The following ITGA11 variants were observed in gnomAD, a reference collection of about 807,000 sequenced individuals.
ITGA11 encodes integrin subunit alpha 11.
ITGA11 carries 97 observed loss-of-function variants against 141.9 expected under a neutral mutation model. The observed-to-expected ratio is 0.68, with a 90% CI of 0.58 to 0.81. The LOEUF is 0.81. Ranked by LOEUF, ITGA11 falls within the 30% of genes least tolerant of loss-of-function variation. The pLI, the probability that ITGA11 is intolerant of heterozygous loss-of-function variation, is 0.00. For missense variants in ITGA11, 1,387 were observed against 1,559.2 expected (o/e 0.89, Z 1.86); for synonymous variants, 658 against 624.6 (o/e 1.05, Z -0.80).
At chr15:68,409,219 G>T (rs1329713648) in intron 1 of ITGA11, among the ~76,000 whole-genome samples, 2 of 152,152 alleles carry the variant, frequency 1.3e-5, no homozygotes, top group African/African-American at 4.8e-5. Flanking sequence ...TTCCTCTGGG[G>T]CCTTCAGCGT....
intron 1 of ITGA11, among the ~76,000 whole-genome samples, chr15:68,414,588 C>G (rs1006715860): frequency 6.6e-6 from 1 of 152,190 alleles, no homozygotes; most frequent in African/African-American, 2.4e-5. Flanking sequence ...ACAAACATTT[C>G]CAGTACTGAG....
chr15:68,346,153 C>T (rs993499682), intron 10 of ITGA11, among the ~76,000 whole-genome samples: 2 of 152,062 alleles, frequency 1.3e-5, no homozygotes, highest in African/African-American at 4.8e-5. Context: ...AGGCAAGCTG[C>T]ATCCCTCTGC....
intron 20 of ITGA11, 64 bp from the exon 21 acceptor site, chr15:68,317,427 T>C: frequency 8.8e-7 from 1 of 1,132,554 alleles, no homozygotes; most frequent in Non-Finnish European, 1.3e-6. Flanking sequence ...GTCTCGAGGC[T>C]CCCTCACCCC....
rs1031421463 is a variant in ITGA11 at position 68,302,157 on chromosome 15, C to A, written c.*902G>T. 2 of 151,650 alleles carry A rather than the reference C, an allele frequency of 1.3e-5. No individual in the cohort carries two copies. The highest frequency in any genetic ancestry group is 1.3e-4 in the Admixed American group (2 of 15,066). The allele number at this position is 151,650 out of a possible 1,614,324, so 9.4% of individuals were successfully genotyped here. A position where few individuals can be genotyped will look rare whatever the true frequency, so the allele number is the denominator to read the frequency against. ...AGGGAGGGGAGGCTCCCTACCCCTACCCCTGCTGCCCAGCTGCAGCCAGGC... is the reference window on the plus strand; with the variant it reads ...AGGGAGGGGAGGCTCCCTACCCCTAACCCTGCTGCCCAGCTGCAGCCAGGC... On this transcript the variant is annotated 3_prime_UTR_variant, in exon 30 of 30. Coordinates refer to ENST00000315757, the MANE Select transcript of ITGA11 (RefSeq NM_001004439.2).
chr15:68,410,591 C>A (rs1003209459), intron 1 of ITGA11, among the ~76,000 whole-genome samples: 4 of 152,250 alleles, frequency 2.6e-5, no homozygotes, highest in East Asian at 1.9e-4. Flanking sequence ...CTGGCTGTTT[C>A]GTATCCTCTG....
At chr15:68,369,392 G>GGA in intron 2 of ITGA11, 108 bp from the exon 3 acceptor site, 1 of 187,570 alleles carries the variant, frequency 5.3e-6, no homozygotes, top group Non-Finnish European at 1.1e-5. Context: ...GGGAGGGTGG[G>GGA]AGGGAACCCT....
rs145940263 is a variant in ITGA11 at position 68,382,734 on chromosome 15, T to A, written c.165-13450A>T. ...CATTCCAGTTTCCATTTTTCTTGATTGGCTTTTTCTACAACTCTCTTTCCA... is the reference window on the plus strand; with the variant it reads ...CATTCCAGTTTCCATTTTTCTTGATAGGCTTTTTCTACAACTCTCTTTCCA... On this transcript the variant is annotated intron_variant, in intron 2 of 29. Transcript: ENST00000315757. Among the ~76,000 whole-genome samples the A allele has an allele frequency of 5.1e-3, 776 of 152,360 alleles. 7 individuals carry two copies. The highest frequency in any genetic ancestry group is 0.018 in the African/African-American group (750 of 41,578).
chr15:68,403,186 G>A (rs922503556), intron 1 of ITGA11, among the ~76,000 whole-genome samples, 157 bp from the exon 2 acceptor site: 5 of 152,182 alleles, frequency 3.3e-5, no homozygotes, highest in Non-Finnish European at 7.4e-5. Context: ...CCTGTATGAG[G>A]TGGCTGATGT....
Position 68,321,165 on chromosome 15 carries a change from C to CT in ITGA11, c.2408+252dup, listed in dbSNP as rs75833921. On this transcript the variant is annotated intron_variant, in intron 19 of 29. Coordinates refer to ENST00000315757, the MANE Select transcript of ITGA11 (RefSeq NM_001004439.2). This position sits in a 1 kb window ranked among gnomAD's most constrained non-coding sequence, Gnocchi z 4.9. ...AATGTGGGCTCCGAAGAAAGGGTTT[C>CT]TTTTTTTTTTTTTTTTTAACAAAAT... 5.5e-4 allele frequency among the ~76,000 whole-genome samples: 80 copies of CT among 146,184 alleles called. No homozygotes were observed. Among genetic ancestry groups the CT allele is most frequent in the African/African-American group, 7.4e-4 (29 of 39,444 alleles).
intron 2 of ITGA11, among the ~76,000 whole-genome samples, chr15:68,381,032 A>T (rs1197944797): frequency 1.3e-5 from 2 of 152,188 alleles, no homozygotes; most frequent in Non-Finnish European, 2.9e-5. Flanking sequence ...CTTTGGATTC[A>T]GGCACTGAGG....
chr15:68,351,438 T>A (rs1456126166), intron 7 of ITGA11, 36 bp from the exon 8 acceptor site: 2 of 1,608,700 alleles, frequency 1.2e-6, no homozygotes, highest in South Asian at 2.2e-5. Flanking sequence ...TCATGAAAGG[T>A]AAGTGGGATT....
chr15:68,307,365 C>A lies in ITGA11; in HGVS notation c.3364G>T (p.Glu1122Ter). Residue 1122 changes from glutamate to a stop codon, truncating the protein, a stop_gained, in exon 28 of 30, where the codon GAG (glutamate) becomes TAG (stop). Coordinates refer to ENST00000315757, the MANE Select transcript of ITGA11 (RefSeq NM_001004439.2). LOFTEE classifies it high-confidence loss of function. This position sits in a 1 kb window ranked among gnomAD's most constrained non-coding sequence, Gnocchi z 6.1. The stretch of plus-strand genomic sequence containing the variant: ...GGGCTCACCTGGCGGCTGGGATCCT[C>A]CTCACGGAAGATGAAGGGGCTGTGG... ...QFHSPFIFRE[E>*]DPSRQIVFEI... is the part of the protein sequence containing the mutation. 1 of 1,556,652 alleles carries A rather than the reference C, an allele frequency of 6.4e-7. No individual in the cohort carries two copies. The highest frequency in any genetic ancestry group is 1.4e-5 in the African/African-American group (1 of 73,398).
chr15:68,379,014 T>C (rs926014455), intron 2 of ITGA11, among the ~76,000 whole-genome samples: 4 of 152,162 alleles, frequency 2.6e-5, no homozygotes, highest in South Asian at 4.1e-4. Flanking sequence ...GGAGGGAAAA[T>C]GAGAACCTCA....
rs973237018 is a variant in ITGA11, at chr15:68,430,677, C to T, written c.52+1338G>A. On this transcript the variant is annotated intron_variant, in intron 1 of 29. Coordinates refer to ENST00000315757, the MANE Select transcript of ITGA11 (RefSeq NM_001004439.2). ...CTAAACACACCTAAATGGGCTTGGC[C>T]TCCTCCCGCAGCTGGCTTCTAGTTG... Among the ~76,000 whole-genome samples the T allele has an allele frequency of 4.6e-5, 7 of 152,230 alleles. No homozygotes were observed. In the South Asian group the frequency reaches 1.2e-3, roughly 27 times the overall value.
intron 18 of ITGA11, among the ~76,000 whole-genome samples, chr15:68,323,165 C>A (rs2140291812): frequency 6.6e-6 from 1 of 152,320 alleles, no homozygotes; most frequent in South Asian, 2.1e-4. Flanking sequence ...CCCTCAGCTC[C>A]CCACCGCAAG....
Position 68,302,065 on chromosome 15 carries a change from T to A in ITGA11, c.*994A>T, listed in dbSNP as rs1893047906. On this transcript the variant is annotated 3_prime_UTR_variant, in exon 30 of 30. Transcript: ENST00000315757. ...GGAAGGATGGGAGGCAGTGTGTGTGTGTGTGTGTGTGTGTGTGTGTGTGTG... is the reference window on the plus strand; with the variant it reads ...GGAAGGATGGGAGGCAGTGTGTGTGAGTGTGTGTGTGTGTGTGTGTGTGTG... The A allele has an allele frequency of 1.8e-5, 1 of 57,006 alleles. No homozygotes were observed. The highest frequency in any genetic ancestry group is 4.2e-5 in the Non-Finnish European group (1 of 23,806). 3.5% of individuals were successfully genotyped at this position (57,006 alleles called of 1,614,324 possible).
At chr15:68,389,482 T>C (rs1040844843) in intron 2 of ITGA11, among the ~76,000 whole-genome samples, 2 of 152,222 alleles carry the variant, frequency 1.3e-5, no homozygotes, top group Non-Finnish European at 2.9e-5. Flanking sequence ...ACCAGGCTCC[T>C]GCCCTGAGGC....
chr15:68,332,626 C>G (rs560348381), intron 12 of ITGA11, 148 bp from the exon 13 acceptor site: 1 of 841,622 alleles, frequency 1.2e-6, no homozygotes, highest in South Asian at 1.8e-5. Flanking sequence ...CACGCGCTAC[C>G]TCTCTCTCCT....
chr15:68,316,782 G>A (rs1183260355), intron 21 of ITGA11, among the ~76,000 whole-genome samples: 1 of 152,292 alleles, frequency 6.6e-6, no homozygotes, highest in East Asian at 1.9e-4. Flanking sequence ...CAGGGCTGAT[G>A]TCCAAACACT....
Sources: gnomAD v4.1 joint callset for allele counts (sites outside exome capture counted in the v4.1 genomes callset) on GRCh38, gnomAD v4.1.1 for gene constraint, Gnocchi (gnomAD v3.1) non-coding constraint, MANE v1.5 for transcripts, NCBI Gene and HGNC (gene_info 2026-07-23, HGNC 2026-07-21) for gene names.